SBF2: variants seen among roughly 807,000 people sequenced by gnomAD.
SBF2 encodes the protein SET binding factor 2, also known as myotubularin-related protein 13.
In SBF2, 112 loss-of-function variants were observed where a neutral mutation model predicts 225.2. The observed-to-expected ratio is 0.50, with a 90% CI of 0.43 to 0.58. The LOEUF (loss-of-function observed/expected upper bound fraction) is 0.58. Ranked by LOEUF, SBF2 falls within the 20% of genes least tolerant of loss-of-function variation. The pLI is 0.00. For missense variants in SBF2, 1,996 were observed against 2,206.2 expected (o/e 0.90, Z 1.91); for synonymous variants, 763 against 773.3 (o/e 0.99, Z 0.22).
intron 16 of SBF2, among the ~76,000 whole-genome samples, chr11:9,946,599 C>A (rs1283203308): frequency 1.3e-5 from 2 of 151,710 alleles, no homozygotes; most frequent in East Asian, 3.9e-4. Context: ...TACAGGCATG[C>A]GCCACCATGC....
chr11:10,280,080 G>A (rs1473546204), intron 1 of SBF2, among the ~76,000 whole-genome samples: 4 of 152,122 alleles, frequency 2.6e-5, no homozygotes, highest in Non-Finnish European at 5.9e-5. Context: ...TACTGGTTGA[G>A]CATCCCTAAT....
At chr11:10,031,620 G>C (rs996568875) in intron 3 of SBF2, among the ~76,000 whole-genome samples, 1 of 152,200 alleles carries the variant, frequency 6.6e-6, no homozygotes, top group Non-Finnish European at 1.5e-5. Context: ...TTGTCTCAAT[G>C]TCTCAAACAA....
At chr11:10,262,917 C>A (rs974448831) in intron 1 of SBF2, among the ~76,000 whole-genome samples, 3 of 151,704 alleles carry the variant, frequency 2.0e-5, no homozygotes, top group Admixed American at 2.0e-4. Flanking sequence ...TAAAAGGATC[C>A]TCAGGGAGTC....
intron 16 of SBF2, among the ~76,000 whole-genome samples, chr11:9,942,774 T>C (rs1247061542): frequency 6.6e-6 from 1 of 151,324 alleles, no homozygotes; most frequent in East Asian, 1.9e-4. Flanking sequence ...GAGGCTACAG[T>C]GAGCCATGGT....
At chr11:10,244,823 T>C (rs927665901) in intron 1 of SBF2, among the ~76,000 whole-genome samples, 5 of 151,976 alleles carry the variant, frequency 3.3e-5, no homozygotes, top group African/African-American at 1.2e-4. Flanking sequence ...TACAACTCAA[T>C]AGCAAACAAT....
At chr11:9,792,463 A>G (rs569175532) in intron 33 of SBF2, among the ~76,000 whole-genome samples, 9 of 152,122 alleles carry the variant, frequency 5.9e-5, no homozygotes, top group Admixed American at 5.9e-4. Context: ...GATGAATTCT[A>G]CCAGCAGTGG....
At chr11:9,999,329 G>GTATGTATT (rs1947850635) in intron 8 of SBF2, among the ~76,000 whole-genome samples, 1 of 131,604 alleles carries the variant, frequency 7.6e-6, no homozygotes, top group Admixed American at 7.7e-5. Flanking sequence ...ATGTATGTAT[G>GTATGTATT]TATTTATTTT....
intron 16 of SBF2, among the ~76,000 whole-genome samples, chr11:9,903,145 C>T (rs1417150859): frequency 2.0e-5 from 3 of 151,962 alleles, no homozygotes; most frequent in East Asian, 1.9e-4. Context: ...CACAGTGAAA[C>T]CCCGTCTCTA....
At chr11:10,244,838 T>C (rs1450329565) in intron 1 of SBF2, among the ~76,000 whole-genome samples, 1 of 151,868 alleles carries the variant, frequency 6.6e-6, no homozygotes, top group Non-Finnish European at 1.5e-5. Flanking sequence ...AACAATAACA[T>C]AATTTAAAAT....
intron 1 of SBF2, among the ~76,000 whole-genome samples, chr11:10,292,324 T>C (rs919669232): frequency 1.3e-5 from 2 of 152,134 alleles, no homozygotes; most frequent in Non-Finnish European, 2.9e-5. Flanking sequence ...TCCTCTCAAA[T>C]TGTTGGGGGG....
intron 16 of SBF2, among the ~76,000 whole-genome samples, chr11:9,911,971 T>C (rs1862658614): frequency 6.6e-6 from 1 of 152,204 alleles, no homozygotes; most frequent in African/African-American, 2.4e-5. Context: ...AGGACAGCTT[T>C]CAATGTGCCC....
chr11:10,174,807 G>A (rs1406911723), intron 2 of SBF2, among the ~76,000 whole-genome samples: 3 of 151,986 alleles, frequency 2.0e-5, no homozygotes. Flanking sequence ...ACTAACAGCG[G>A]ATCTCTCGGC....
chr11:9,867,156 T>A (rs1403456994), intron 17 of SBF2, among the ~76,000 whole-genome samples: 1 of 152,214 alleles, frequency 6.6e-6, no homozygotes, highest in Non-Finnish European at 1.5e-5. Context: ...ACACAAAGGA[T>A]AAATGCTTGT....
In SBF2 at chr11:9,789,128, G is replaced by C. The variant is rs758932167; in HGVS notation, c.4913C>G (p.Ala1638Gly). Reference protein sequence around the residue: ...YDDVSCTQPDALTSLFSEIEK... With the variant: ...YDDVSCTQPDGLTSLFSEIEK... Reference sequence around the variant, plus strand: ...ACTTACACTGAAAAGGCTGGTGAGAGCATCAGGCTGAGTACAGCTGACATC... The same window carrying C: ...ACTTACACTGAAAAGGCTGGTGAGACCATCAGGCTGAGTACAGCTGACATC... Residue 1638 changes from alanine to glycine, a missense_variant, in exon 35 of 40, where the codon GCT (alanine) becomes GGT (glycine). Ala to Gly is a moderately conservative substitution (Grantham distance 60). Transcript: ENST00000256190. 8 of 1,614,162 alleles carry C rather than the reference G, an allele frequency of 5.0e-6. No individual in the cohort carries two copies. Among genetic ancestry groups the C allele is most frequent in the Non-Finnish European group, 5.1e-6 (6 of 1,180,016 alleles).
chr11:9,951,521 T>G (rs1454000348), intron 16 of SBF2, among the ~76,000 whole-genome samples: 1 of 152,168 alleles, frequency 6.6e-6, no homozygotes, highest in Non-Finnish European at 1.5e-5. Context: ...AATTTTAGAC[T>G]GAGAGAAGAT....
chr11:10,154,314 C>CATTT (rs1401368870), intron 2 of SBF2, among the ~76,000 whole-genome samples: 1 of 152,064 alleles, frequency 6.6e-6, no homozygotes, highest in Non-Finnish European at 1.5e-5. Context: ...CATACAGGAT[C>CATTT]ATTTTATCAA....
At chr11:9,992,217 A>G (rs1397431191) in intron 12 of SBF2, among the ~76,000 whole-genome samples, 198 bp downstream of exon 12, 3 of 152,164 alleles carry the variant, frequency 2.0e-5, no homozygotes. Context: ...ATGTATTTCC[A>G]AGGCATCTTA....
chr11:9,811,239 T>C (rs1854163627), intron 30 of SBF2: 1 of 152,252 alleles, frequency 6.6e-6, no homozygotes, highest in Non-Finnish European at 1.5e-5. Context: ...TATCAGGTAC[T>C]ATGCTTATTA....
chr11:10,201,103 G>A (rs1957555032), intron 1 of SBF2, among the ~76,000 whole-genome samples: 1 of 152,162 alleles, frequency 6.6e-6, no homozygotes, highest in Non-Finnish European at 1.5e-5. Context: ...CATCTCAGAA[G>A]AAATGGCTAA....
Sources: gnomAD v4.1 joint callset for allele counts (sites outside exome capture counted in the v4.1 genomes callset) on GRCh38, gnomAD v4.1.1 for gene constraint, MANE v1.5 for transcripts, NCBI Gene and HGNC (gene_info 2026-07-23, HGNC 2026-07-21) for gene names.